The following ZMAT4 variants were observed in gnomAD, a reference collection of about 807,000 sequenced individuals.
ZMAT4 encodes the protein zinc finger matrin-type 4, also known as zinc finger matrin-type protein 4.
In ZMAT4, 17 loss-of-function variants were observed where a neutral mutation model predicts 28.7. The ratio of observed to expected loss-of-function variants is 0.59; its 90% CI spans 0.41 to 0.89. The LOEUF is 0.89. ZMAT4 is among the 40% of genes least tolerant of loss of function. The pLI is 0.00. For missense variants in ZMAT4, 240 were observed against 283.8 expected (o/e 0.85, Z 1.11); for synonymous variants, 117 against 109.2 (o/e 1.07, Z -0.44).
chr8:40,817,078 G>A (rs1815570118), intron 2 of ZMAT4, among the ~76,000 whole-genome samples: 1 of 151,938 alleles, frequency 6.6e-6, no homozygotes, highest in African/African-American at 2.4e-5. Context: ...CATTAAATTG[G>A]AAAAAAGAAA....
At chr8:40,553,132 A>G (rs1803417535) in intron 6 of ZMAT4, among the ~76,000 whole-genome samples, 1 of 152,116 alleles carries the variant, frequency 6.6e-6, no homozygotes, top group Admixed American at 6.6e-5. Flanking sequence ...CACCCTGGAA[A>G]ATGTTAGCTT....
At chr8:40,869,842 G>T (rs575973810) in intron 1 of ZMAT4, among the ~76,000 whole-genome samples, 3 of 152,252 alleles carry the variant, frequency 2.0e-5, no homozygotes, top group East Asian at 3.9e-4. Flanking sequence ...GCACCGATCC[G>T]CCTTCTCTCC....
intron 4 of ZMAT4, among the ~76,000 whole-genome samples, chr8:40,678,724 T>C (rs1249438112): frequency 6.6e-6 from 1 of 152,204 alleles, no homozygotes; most frequent in Non-Finnish European, 1.5e-5. Flanking sequence ...GCATTGGCTC[T>C]CTTCTAGTAC....
At chr8:40,803,233 T>C (rs893437223) in intron 2 of ZMAT4, among the ~76,000 whole-genome samples, 3 of 152,108 alleles carry the variant, frequency 2.0e-5, no homozygotes, top group South Asian at 2.1e-4. Context: ...TGGGCTTTAA[T>C]AAAATTAAAA....
chr8:40,845,041 A>T (rs1816836103), intron 1 of ZMAT4, among the ~76,000 whole-genome samples: 1 of 152,216 alleles, frequency 6.6e-6, no homozygotes. Context: ...CAAGATACTG[A>T]ATTCCCTGGT....
intron 1 of ZMAT4, among the ~76,000 whole-genome samples, chr8:40,857,655 C>G (rs1010602953): frequency 1.3e-5 from 2 of 152,124 alleles, no homozygotes; most frequent in African/African-American, 4.8e-5. Flanking sequence ...CCCTATCACT[C>G]AAGGATTTCA....
At chr8:40,679,748 T>G (rs1809072371) in intron 4 of ZMAT4, among the ~76,000 whole-genome samples, 2 of 152,210 alleles carry the variant, frequency 1.3e-5, no homozygotes, top group Admixed American at 1.3e-4. Flanking sequence ...ATCAGAAAAT[T>G]TCCTCATTCT....
chr8:40,868,219 T>A (rs1817738049), intron 1 of ZMAT4, among the ~76,000 whole-genome samples: 1 of 152,210 alleles, frequency 6.6e-6, no homozygotes, highest in Non-Finnish European at 1.5e-5. Context: ...ATAAATCTCC[T>A]GTATTCAAAA....
chr8:40,701,292 G>A (rs1300459145), intron 3 of ZMAT4, among the ~76,000 whole-genome samples: 4 of 152,078 alleles, frequency 2.6e-5, no homozygotes, highest in Admixed American at 1.3e-4. Flanking sequence ...ATGGGATATA[G>A]GTATGCCATA....
At chr8:40,709,355 G>A (rs12234987) in intron 3 of ZMAT4, among the ~76,000 whole-genome samples, 17,910 of 152,000 alleles carry the variant, frequency 0.12, 1,492 homozygotes, top group East Asian at 0.37. Flanking sequence ...TATTGAAAGA[G>A]CCTCATGTAT....
At chr8:40,662,122 GTGCACCACCA>G in intron 5 of ZMAT4, among the ~76,000 whole-genome samples, 1 of 148,854 alleles carries the variant, frequency 6.7e-6, no homozygotes, top group Middle Eastern at 3.4e-3. Context: ...GACCACAGGT[GTGCACCACCA>G]TGCTTGGCTA....
At chr8:40,743,978 C>G (rs1486229497) in intron 3 of ZMAT4, among the ~76,000 whole-genome samples, 3 of 152,166 alleles carry the variant, frequency 2.0e-5, no homozygotes, top group Admixed American at 6.5e-5. Flanking sequence ...GAAGGGTGAA[C>G]AGCTTTGAAA....
intron 2 of ZMAT4, among the ~76,000 whole-genome samples, chr8:40,802,635 T>C (rs1814901075): frequency 6.6e-6 from 1 of 152,168 alleles, no homozygotes; most frequent in African/African-American, 2.4e-5. Flanking sequence ...CATCAGTTCT[T>C]CCCAATTTAT....
At chr8:40,601,809 T>A (rs1223688302) in intron 5 of ZMAT4, among the ~76,000 whole-genome samples, 1 of 152,180 alleles carries the variant, frequency 6.6e-6, no homozygotes, top group Non-Finnish European at 1.5e-5. Context: ...TTATTCCTCT[T>A]ACATCGTCAA....
intron 4 of ZMAT4, among the ~76,000 whole-genome samples, chr8:40,691,784 C>T (rs1286958954): frequency 6.6e-6 from 1 of 152,086 alleles, no homozygotes; most frequent in Non-Finnish European, 1.5e-5. Flanking sequence ...GTCACTTTAC[C>T]TTTAACAAAT....
intron 1 of ZMAT4, among the ~76,000 whole-genome samples, chr8:40,875,929 G>A (rs1818027968): frequency 6.6e-6 from 1 of 152,168 alleles, no homozygotes; most frequent in Non-Finnish European, 1.5e-5. Context: ...AAAGACGACG[G>A]ATATGTCATG....
At chr8:40,701,927 T>G (rs1810166273) in intron 3 of ZMAT4, among the ~76,000 whole-genome samples, 1 of 152,184 alleles carries the variant, frequency 6.6e-6, no homozygotes, top group South Asian at 2.1e-4. Context: ...TGTTGGAAAC[T>G]TAATCCCCAA....
chr8:40,805,865 A>C (rs1370111730), intron 2 of ZMAT4, among the ~76,000 whole-genome samples: 2 of 151,852 alleles, frequency 1.3e-5, no homozygotes, highest in Non-Finnish European at 2.9e-5. Flanking sequence ...GGTGCAGTGC[A>C]CCAGCATGGC....
rs553676247 is a variant in ZMAT4 at position 40,565,919 on chromosome 8, C to G, written c.674+15246G>C. ...AGGACCTTCACCACTGTGAAGGCCC[C>G]CAGCACTCTCTCCTGTGATTTCAAT... On this transcript the variant is annotated intron_variant, in intron 6 of 6. Transcript: ENST00000297737. 2.6e-5 allele frequency among the ~76,000 whole-genome samples: 4 copies of G among 152,178 alleles called. 1 individual carries two copies. The South Asian group carries it at 8.3e-4, about 32-fold the overall frequency.
Sources: allele counts gnomAD v4.1 joint callset (sites outside exome capture counted in the v4.1 genomes callset), GRCh38; gene constraint gnomAD v4.1.1; transcripts MANE v1.5; gene names NCBI Gene and HGNC (gene_info 2026-07-23, HGNC 2026-07-21).